Variants in ADD3 observed in about 807,000 individuals in gnomAD.
ADD3 encodes gamma-adducin.
ADD3 carries 25 observed loss-of-function variants against 80.2 expected under a neutral mutation model. That is an observed-to-expected ratio of 0.31 (90% confidence interval 0.23 to 0.44). The LOEUF (loss-of-function observed/expected upper bound fraction) is 0.44. Ranked by LOEUF, ADD3 falls within the 20% of genes least tolerant of loss-of-function variation. The pLI is 1.00. For synonymous variants in ADD3, 284 were observed against 289.6 expected (o/e 0.98, Z 0.20); for missense variants, 829 against 847.5 (o/e 0.98, Z 0.27).
upstream of ADD3, among the ~76,000 whole-genome samples, chr10:110,001,535 G>A (rs1288447846): frequency 2.0e-5 from 3 of 152,204 alleles, no homozygotes; most frequent in East Asian, 3.9e-4. Flanking sequence ...ATAATGAAAC[G>A]GGGCCATCCG....
At chr10:110,101,272 T>C (rs2133955925) in intron 2 of ADD3, among the ~76,000 whole-genome samples, 1 of 152,278 alleles carries the variant, frequency 6.6e-6, no homozygotes, top group Non-Finnish European at 1.5e-5. Context: ...AAGTCTGTGA[T>C]TTGGCAGCCT....
At chr10:110,046,370 A>G (rs1285753148) in intron 1 of ADD3, among the ~76,000 whole-genome samples, 1 of 151,900 alleles carries the variant, frequency 6.6e-6, no homozygotes, top group Non-Finnish European at 1.5e-5. Flanking sequence ...TAAGGCTTCC[A>G]GTCAATAGTA....
chr10:110,108,609 A>G (rs959793429), intron 2 of ADD3, among the ~76,000 whole-genome samples: 3 of 152,192 alleles, frequency 2.0e-5, no homozygotes, highest in Non-Finnish European at 4.4e-5. Context: ...AAAGCTCAAT[A>G]AATTTACTGA....
At chr10:110,061,576 C>G (rs972509767) in intron 1 of ADD3, among the ~76,000 whole-genome samples, 2 of 152,238 alleles carry the variant, frequency 1.3e-5, no homozygotes, top group Middle Eastern at 3.4e-3. Flanking sequence ...AATTCAGGTG[C>G]TTGTAGAGGA....
chr10:110,028,983 A>G (rs1266817601), intron 1 of ADD3, among the ~76,000 whole-genome samples: 1 of 151,208 alleles, frequency 6.6e-6, no homozygotes, highest in Non-Finnish European at 1.5e-5. Flanking sequence ...GGGTTCAAGC[A>G]GTTCTCATGC....
At chr10:110,101,129 TAAAGA>T (rs1229071610) in intron 2 of ADD3, among the ~76,000 whole-genome samples, 1 of 152,176 alleles carries the variant, frequency 6.6e-6, no homozygotes, top group Non-Finnish European at 1.5e-5. Flanking sequence ...ACTGAATATG[TAAAGA>T]AAAGAAAGGC....
chr10:110,090,056 T>C (rs1021432197), intron 1 of ADD3, among the ~76,000 whole-genome samples: 1 of 152,124 alleles, frequency 6.6e-6, no homozygotes, highest in Admixed American at 6.5e-5. Flanking sequence ...GAAATCTGTT[T>C]GCCTCACTGT....
rs376912576 is a variant in ADD3 at position 110,118,572 on chromosome 10, T to C, written c.568-15T>C. Reference sequence around the variant, plus strand: ...CGTATATACCAGTTAAATATGTCCTTCTGATTTTTTCCAGGTGAAAGTCAA... The same window carrying C: ...CGTATATACCAGTTAAATATGTCCTCCTGATTTTTTCCAGGTGAAAGTCAA... On this transcript the variant is annotated splice_polypyrimidine_tract_variant and intron_variant, in intron 5 of 14. Coordinates refer to ENST00000356080, the MANE Select transcript of ADD3 (RefSeq NM_016824.5). 7.4e-6 allele frequency: 12 copies of C among 1,612,010 alleles called. No individual in the cohort carries two copies. In the African/African-American group the frequency reaches 1.6e-4, roughly 22 times the overall value.
At position 110,119,480 on chromosome 10, in the gene ADD3, G is replaced by A. The variant is rs376190196; in HGVS notation, c.876G>A (p.Arg292=). ...LGPSCKVLVL[R]NHGVVALGET... is the part of the protein sequence containing the mutation. ...TTCTATTTTAGGTGCTGGTACTCAGGAATCATGGTGTGGTTGCACTTGGAG... is the reference window on the plus strand; with the variant it reads ...TTCTATTTTAGGTGCTGGTACTCAGAAATCATGGTGTGGTTGCACTTGGAG... Residue 292 remains arginine (R), a synonymous_variant, in exon 8 of 15, where the codon AGG becomes AGA. Transcript: ENST00000356080. 1.1e-5 allele frequency: 17 copies of A among 1,614,114 alleles called. No homozygotes were observed. The African/African-American group carries it at 2.1e-4, about 20-fold the overall frequency.
intron 1 of ADD3, among the ~76,000 whole-genome samples, chr10:110,029,252 T>C (rs1258367945): frequency 6.6e-6 from 1 of 152,238 alleles, no homozygotes; most frequent in East Asian, 1.9e-4. Flanking sequence ...ATGTCTACTT[T>C]GCAAGTTTAA....
At chr10:110,039,218 C>T (rs1663508149) in intron 1 of ADD3, among the ~76,000 whole-genome samples, 1 of 150,232 alleles carries the variant, frequency 6.7e-6, no homozygotes, top group Admixed American at 6.6e-5. Flanking sequence ...TTGTTGCTTG[C>T]CCCACTCAGT....
intron 1 of ADD3, among the ~76,000 whole-genome samples, chr10:110,057,026 C>G (rs571371997): frequency 2.0e-5 from 3 of 152,258 alleles, no homozygotes; most frequent in African/African-American, 7.2e-5. Flanking sequence ...CAGGGAAACT[C>G]TAGGTTCTTA....
intron 1 of ADD3, among the ~76,000 whole-genome samples, chr10:110,071,147 G>A (rs1345494444): frequency 6.6e-6 from 1 of 152,030 alleles, no homozygotes; most frequent in Non-Finnish European, 1.5e-5. Flanking sequence ...ACTGGGTAAA[G>A]TATTTGAAAC....
In ADD3 at chr10:110,008,244, C is replaced by A. The variant is rs1004058545; in HGVS notation, c.-85C>A. The A allele has an allele frequency of 3.9e-5, 6 of 152,208 alleles. No individual in the cohort carries two copies. The highest frequency in any genetic ancestry group is 1.4e-4 in the African/African-American group (6 of 41,424). 9.4% of individuals were successfully genotyped at this position (152,208 alleles called of 1,614,324 possible). A position where few individuals can be genotyped will look rare whatever the true frequency, so the allele number is the denominator to read the frequency against. ...GGCGGATCCGGCGGCTGCTGCAGCC[C>A]GGGCGGCTGCCGAGAAGGAGGGAGG... On this transcript the variant is annotated 5_prime_UTR_variant, in exon 1 of 15. Coordinates refer to ENST00000356080, the MANE Select transcript of ADD3 (RefSeq NM_016824.5).
intron 1 of ADD3, among the ~76,000 whole-genome samples, chr10:109,999,338 T>C (rs1851439126): frequency 6.6e-6 from 1 of 152,218 alleles, no homozygotes; most frequent in Admixed American, 6.5e-5. Flanking sequence ...GTGGGACCTG[T>C]CTCAGAAAGC....
In ADD3 at chr10:110,104,232, T is replaced by C. The variant is rs117578478; in HGVS notation, c.195+3384T>C. On this transcript the variant is annotated intron_variant, in intron 2 of 14. Transcript: ENST00000356080. ...TGGTCCAAAGCAATTGTGAAATCCA[T>C]CTGGACAAATGTTTGGAAGTGTTTT... Among the ~76,000 whole-genome samples, 22 of 152,306 alleles carry C rather than the reference T, an allele frequency of 1.4e-4. 1 individual carries two copies. In the East Asian group the frequency reaches 3.7e-3, roughly 25 times the overall value.
chr10:110,032,309 T>C (rs1316400274), intron 1 of ADD3, among the ~76,000 whole-genome samples: 5 of 152,302 alleles, frequency 3.3e-5, no homozygotes, highest in Middle Eastern at 3.4e-3. Flanking sequence ...CATGCTAGTC[T>C]CTAAGTTAGA....
At chr10:110,114,154 T>A (rs1590182478) in intron 3 of ADD3, among the ~76,000 whole-genome samples, 2 of 152,342 alleles carry the variant, frequency 1.3e-5, no homozygotes, top group South Asian at 4.1e-4. Context: ...CATGTGCCAC[T>A]GTTTGGAGAT....
intron 1 of ADD3, among the ~76,000 whole-genome samples, chr10:110,082,237 T>TA (rs1309141460): frequency 2.5e-5 from 3 of 118,152 alleles, no homozygotes; most frequent in Admixed American, 7.1e-5. Flanking sequence ...AGTATCACTC[T>TA]AAAAAAAAAC....
Sources: allele counts gnomAD v4.1 joint callset (sites outside exome capture counted in the v4.1 genomes callset), GRCh38; gene constraint gnomAD v4.1.1; transcripts MANE v1.5; gene names NCBI Gene and HGNC (gene_info 2026-07-23, HGNC 2026-07-21).